Variants in DCC observed in about 807,000 individuals in gnomAD.
The protein encoded by DCC is DCC netrin 1 receptor, also known as netrin receptor DCC.
A neutral mutation model predicts 172.5 loss-of-function variants in DCC; 58 were observed. That is an observed-to-expected ratio of 0.34 (90% CI 0.27 to 0.42). DCC has a LOEUF of 0.42. Among genes scored for constraint, DCC ranks in the 10% least tolerant of loss-of-function variants. DCC has a pLI of 1.00. For synonymous variants in DCC, 709 were observed against 644.5 expected, an observed-to-expected ratio of 1.10 and a Z score of -1.52; for missense variants, 1,740 against 1,791.0, an observed-to-expected ratio of 0.97 and a Z score of 0.51.
chr18:52,381,561 A>G (rs1568142347), intron 1 of DCC, among the ~76,000 whole-genome samples: 1 of 152,108 alleles, frequency 6.6e-6, no homozygotes, highest in African/African-American at 2.4e-5. Context: ...TGTACTCAAT[A>G]TAACTATACC....
chr18:53,270,497 T>C (rs2056736773), intron 12 of DCC, among the ~76,000 whole-genome samples: 1 of 152,134 alleles, frequency 6.6e-6, no homozygotes, highest in South Asian at 2.1e-4. Context: ...GATCTCAACA[T>C]TAAAATGACG....
At chr18:53,344,999 A>G (rs12956913) in intron 15 of DCC, among the ~76,000 whole-genome samples, 16,534 of 151,740 alleles carry the variant, frequency 0.11, 994 homozygotes, top group Middle Eastern at 0.2. Flanking sequence ...ACCATATAAT[A>G]GTCTCTGTCA....
At chr18:53,070,903 G>A (rs1418396626) in intron 7 of DCC, among the ~76,000 whole-genome samples, 2 of 152,200 alleles carry the variant, frequency 1.3e-5, no homozygotes, top group Non-Finnish European at 2.9e-5. Context: ...CAGGCCGCGT[G>A]CACAGATGGT....
intron 2 of DCC, among the ~76,000 whole-genome samples, chr18:52,778,066 C>T (rs754160391): frequency 3.3e-5 from 5 of 152,094 alleles, no homozygotes; most frequent in South Asian, 2.1e-4. Flanking sequence ...ATATACTAAG[C>T]GAAGCAAATC....
intron 20 of DCC, among the ~76,000 whole-genome samples, chr18:53,410,940 C>T (rs1909946770): frequency 6.6e-6 from 1 of 151,964 alleles, no homozygotes; most frequent in African/African-American, 2.4e-5. Flanking sequence ...AATGCTTCAG[C>T]CATTTTATGT....
At chr18:52,960,546 TCA>T (rs1471902355) in intron 5 of DCC, among the ~76,000 whole-genome samples, 1 of 152,282 alleles carries the variant, frequency 6.6e-6, no homozygotes, top group East Asian at 1.9e-4. Flanking sequence ...CCATGGTTCA[TCA>T]CAGTTTATTA....
chr18:53,069,935 A>G (rs1055722973), intron 7 of DCC, among the ~76,000 whole-genome samples: 4 of 149,486 alleles, frequency 2.7e-5, no homozygotes, highest in Non-Finnish European at 5.9e-5. Flanking sequence ...GGGGGTTGTT[A>G]TTGTGTGGAG....
chr18:53,264,716 AG>A (rs756279062), intron 12 of DCC, among the ~76,000 whole-genome samples: 37 of 152,188 alleles, frequency 2.4e-4, no homozygotes, highest in Non-Finnish European at 4.4e-4. Flanking sequence ...ATTGAAAAGT[AG>A]TTGTTAGGTG....
intron 5 of DCC, among the ~76,000 whole-genome samples, chr18:53,010,490 C>G (rs1039181914): frequency 6.6e-6 from 1 of 151,414 alleles, no homozygotes; most frequent in Non-Finnish European, 1.5e-5. Context: ...CTCTAAAAAG[C>G]CATGTTAACA....
intron 9 of DCC, among the ~76,000 whole-genome samples, chr18:53,196,492 C>A (rs929173369): frequency 6.6e-6 from 1 of 152,146 alleles, no homozygotes; most frequent in East Asian, 1.9e-4. Flanking sequence ...TCTTGTAATC[C>A]CTTTATTATC....
intron 22 of DCC, among the ~76,000 whole-genome samples, chr18:53,449,190 T>C (rs1242429710): frequency 6.6e-6 from 1 of 152,210 alleles, no homozygotes; most frequent in Non-Finnish European, 1.5e-5. Flanking sequence ...CCTTGCTTTT[T>C]TATACTTTCT....
At chr18:52,389,551 C>A (rs1985947260) in intron 1 of DCC, among the ~76,000 whole-genome samples, 1 of 152,026 alleles carries the variant, frequency 6.6e-6, no homozygotes, top group African/African-American at 2.4e-5. Flanking sequence ...TTGAGAAATT[C>A]TGAATTATTG....
At chr18:53,422,325 G>A (rs1485772941) in intron 21 of DCC, among the ~76,000 whole-genome samples, 1 of 152,104 alleles carries the variant, frequency 6.6e-6, no homozygotes, top group Non-Finnish European at 1.5e-5. Context: ...GGCTACCTTG[G>A]TTTGGGTGTC....
chr18:53,142,678 T>A (rs1175824828), intron 7 of DCC, among the ~76,000 whole-genome samples: 1 of 152,212 alleles, frequency 6.6e-6, no homozygotes, highest in Non-Finnish European at 1.5e-5. Context: ...ATATACCCTT[T>A]ACCCAGTTTT....
At chr18:53,118,391 C>T (rs1044039120) in intron 7 of DCC, among the ~76,000 whole-genome samples, 5 of 151,730 alleles carry the variant, frequency 3.3e-5, no homozygotes, top group Admixed American at 6.6e-5. Flanking sequence ...TTTCAGATGT[C>T]ACGCATAAAG....
intron 1 of DCC, among the ~76,000 whole-genome samples, chr18:52,474,811 A>T (rs1258346286): frequency 6.6e-6 from 1 of 152,190 alleles, no homozygotes; most frequent in Non-Finnish European, 1.5e-5. Context: ...TGTCTCAGAG[A>T]GCCCACGGGA....
intron 1 of DCC, among the ~76,000 whole-genome samples, chr18:52,716,199 CG>C (rs1191165562): frequency 3.3e-5 from 5 of 152,244 alleles, no homozygotes; most frequent in African/African-American, 1.2e-4. Flanking sequence ...TGCAGAGCAG[CG>C]AGATCCCAGG....
chr18:52,415,270 T>C (rs931007210), intron 1 of DCC, among the ~76,000 whole-genome samples: 4 of 152,228 alleles, frequency 2.6e-5, no homozygotes, highest in Non-Finnish European at 4.4e-5. Flanking sequence ...CCAATTATAA[T>C]ACATGATGGA....
At chr18:53,424,269 G>A (rs1277667483) in intron 21 of DCC, among the ~76,000 whole-genome samples, 4 of 152,130 alleles carry the variant, frequency 2.6e-5, no homozygotes, top group African/African-American at 9.7e-5. Flanking sequence ...AAGCTGATAA[G>A]TTTGTTAAAA....
Sources: allele counts gnomAD v4.1 joint callset (sites outside exome capture counted in the v4.1 genomes callset), GRCh38; gene constraint gnomAD v4.1.1; transcripts MANE v1.5; gene names NCBI Gene and HGNC (gene_info 2026-07-23, HGNC 2026-07-21).